CCDC178: variants seen among roughly 807,000 people sequenced by gnomAD.
CCDC178 encodes the protein coiled-coil domain containing 178, also known as coiled-coil domain-containing protein 178.
Under a neutral mutation model 117.4 loss-of-function variants are expected in CCDC178, and 126 were observed. That is an observed-to-expected ratio of 1.07 (90% CI 0.93 to 1.24). The LOEUF is 1.24. Among genes scored for constraint, CCDC178 ranks in the 50% most tolerant of loss-of-function variants. CCDC178 has a pLI of 0.00. For missense variants in CCDC178, 1,030 were observed against 986.9 expected (o/e 1.04, Z -0.59); for synonymous variants, 283 against 313.4 (o/e 0.90, Z 1.02).
intron 12 of CCDC178, among the ~76,000 whole-genome samples, chr18:33,286,184 C>A (rs1330359953): frequency 6.6e-6 from 1 of 151,914 alleles, no homozygotes; most frequent in Non-Finnish European, 1.5e-5. Context: ...ACTATATTGG[C>A]CAGGCTGGTC....
At chr18:33,352,873 G>T (rs957288153) in intron 7 of CCDC178, among the ~76,000 whole-genome samples, 2 of 152,052 alleles carry the variant, frequency 1.3e-5, no homozygotes, top group East Asian at 1.9e-4. Context: ...CACATGAGAA[G>T]AATGTGTTTT....
At chr18:33,033,109 AT>A (rs1416895801) in intron 21 of CCDC178, among the ~76,000 whole-genome samples, 2 of 152,138 alleles carry the variant, frequency 1.3e-5, no homozygotes, top group South Asian at 2.1e-4. Flanking sequence ...GGTCTGTTGT[AT>A]TTTCTCTCAT....
intron 12 of CCDC178, among the ~76,000 whole-genome samples, chr18:33,289,682 A>G (rs535754201): frequency 1.3e-5 from 2 of 152,322 alleles, no homozygotes; most frequent in East Asian, 3.9e-4. Context: ...TTCATTTAGG[A>G]AAGTCTAACG....
intron 11 of CCDC178, among the ~76,000 whole-genome samples, chr18:33,304,563 A>T (rs1039556533): frequency 6.6e-6 from 1 of 152,216 alleles, no homozygotes; most frequent in Non-Finnish European, 1.5e-5. Flanking sequence ...CGGGGATTTT[A>T]CAAAAGTGTG....
intron 21 of CCDC178, among the ~76,000 whole-genome samples, chr18:33,035,810 G>A (rs113760925): frequency 0.011 from 1,647 of 151,808 alleles, 32 homozygotes; most frequent in African/African-American, 0.037. Context: ...ATCTTTATTT[G>A]TCAATTAAAT....
intron 20 of CCDC178, among the ~76,000 whole-genome samples, chr18:33,112,303 G>A (rs947192934): frequency 6.6e-6 from 1 of 151,750 alleles, no homozygotes; most frequent in Non-Finnish European, 1.5e-5. Context: ...TTGGACTGTA[G>A]CAACATTCTC....
chr18:33,428,730 CAAAAAAA>C (rs35234261), intron 2 of CCDC178, among the ~76,000 whole-genome samples: 56 of 42,370 alleles, frequency 1.3e-3, no homozygotes, highest in Middle Eastern at 0.013. Context: ...GACTCTGTCT[CAAAAAAA>C]AAAAAAAAAA....
chr18:33,133,778 A>C (rs2058093155), intron 20 of CCDC178, among the ~76,000 whole-genome samples: 1 of 151,970 alleles, frequency 6.6e-6, no homozygotes, highest in African/African-American at 2.4e-5. Flanking sequence ...AGTGATTGCA[A>C]GGCTGTATTC....
At chr18:32,992,817 T>C (rs1246057182) in intron 21 of CCDC178, among the ~76,000 whole-genome samples, 2 of 152,142 alleles carry the variant, frequency 1.3e-5, no homozygotes, top group Non-Finnish European at 2.9e-5. Context: ...AAAAATATAA[T>C]TAAAAACGTA....
chr18:33,049,670 T>A (rs2056708964), intron 21 of CCDC178, among the ~76,000 whole-genome samples: 1 of 152,196 alleles, frequency 6.6e-6, no homozygotes, highest in South Asian at 2.1e-4. Flanking sequence ...AGCTTATTAT[T>A]TTTAACTTGA....
chr18:33,333,226 T>G lies in CCDC178; in HGVS notation c.827A>C (p.Lys276Thr). The G allele has an allele frequency of 6.2e-7, 1 of 1,612,530 alleles. No individual in the cohort carries two copies. Among genetic ancestry groups the G allele is most frequent in the Non-Finnish European group, 8.5e-7 (1 of 1,179,110 alleles). ...MNEHGPLLDS[K>T]QNQELQDLKN... ...CAGATCTTGAAGTTCCTGATTCTGC[T>G]TAGAGTCCAGTAGAGGGCCATGTTC... The change falls in exon 10 of 23, where the codon AAG becomes ACG. Residue 276 changes from lysine to threonine, a missense_variant. Lys to Thr is a moderately conservative substitution (Grantham distance 78, BLOSUM62 -1). Coordinates refer to ENST00000383096, the MANE Select transcript of CCDC178 (RefSeq NM_001105528.4).
chr18:33,084,736 C>T (rs1314816583), intron 21 of CCDC178, among the ~76,000 whole-genome samples: 1 of 151,190 alleles, frequency 6.6e-6, no homozygotes, highest in East Asian at 1.9e-4. Flanking sequence ...TGCTTGAACC[C>T]AGAGGAGGAG....
At chr18:33,436,308 T>C (rs1171671837) in intron 2 of CCDC178, among the ~76,000 whole-genome samples, 1 of 152,098 alleles carries the variant, frequency 6.6e-6, no homozygotes, top group African/African-American at 2.4e-5. Context: ...CCATAAATGA[T>C]AGGAGCAGAG....
intron 2 of CCDC178, among the ~76,000 whole-genome samples, chr18:33,418,701 C>A (rs1169658395): frequency 6.6e-6 from 1 of 152,022 alleles, no homozygotes; most frequent in African/African-American, 2.4e-5. Context: ...ACCAACAACA[C>A]CCCAGCTGAA....
At chr18:33,062,681 G>A (rs1050243673) in intron 21 of CCDC178, among the ~76,000 whole-genome samples, 2 of 152,230 alleles carry the variant, frequency 1.3e-5, no homozygotes, top group East Asian at 3.9e-4. Context: ...TCCATGTGAT[G>A]GCATTGTTTC....
intron 20 of CCDC178, among the ~76,000 whole-genome samples, chr18:33,120,861 T>G (rs1306172336): frequency 6.6e-6 from 1 of 152,176 alleles, no homozygotes; most frequent in East Asian, 1.9e-4. Context: ...ACAAGAAGAA[T>G]GAATACTATT....
At chr18:33,402,090 G>A (rs2063716421) in intron 3 of CCDC178, among the ~76,000 whole-genome samples, 1 of 152,120 alleles carries the variant, frequency 6.6e-6, no homozygotes, top group Non-Finnish European at 1.5e-5. Flanking sequence ...CCACACAAAT[G>A]TTCACAGCCT....
At chr18:32,943,256 C>T (rs1186875135) in intron 22 of CCDC178, among the ~76,000 whole-genome samples, 1 of 152,086 alleles carries the variant, frequency 6.6e-6, no homozygotes, top group Non-Finnish European at 1.5e-5. Flanking sequence ...ACTACTTATC[C>T]TAAACCAATA....
At chr18:33,306,523 TATATATGGTTATATATA>T (rs1348778155) in intron 11 of CCDC178, among the ~76,000 whole-genome samples, 11 of 146,136 alleles carry the variant, frequency 7.5e-5, no homozygotes, top group Admixed American at 4.1e-4. Context: ...AATATATGGT[TATATATGGTTATATATA>T]ATATATGGTT....
Sources: gnomAD v4.1 joint callset for allele counts (sites outside exome capture counted in the v4.1 genomes callset) on GRCh38, gnomAD v4.1.1 for gene constraint, MANE v1.5 for transcripts, NCBI Gene and HGNC (gene_info 2026-07-23, HGNC 2026-07-21) for gene names.